FOXP2: variants seen among roughly 807,000 people sequenced by gnomAD.
FOXP2 encodes the protein forkhead box protein P2.
A neutral mutation model predicts 115.8 loss-of-function variants in FOXP2; 12 were observed. The observed-to-expected ratio is 0.10, with a 90% CI of 0.07 to 0.17. The LOEUF (loss-of-function observed/expected upper bound fraction) is 0.17, where lower values mean the gene tolerates loss of function less well. FOXP2 is among the 10% of genes least tolerant of loss of function. FOXP2 has a pLI of 1.00. For synonymous variants in FOXP2, 328 were observed against 297.7 expected, an observed-to-expected ratio of 1.10 and a Z score of -1.05; for missense variants, 629 against 843.5, an observed-to-expected ratio of 0.75 and a Z score of 3.15.
intron 1 of FOXP2, among the ~76,000 whole-genome samples, chr7:114,276,538 A>T (rs2129174081): frequency 6.6e-6 from 1 of 152,162 alleles, no homozygotes; most frequent in Non-Finnish European, 1.5e-5. Flanking sequence ...TTTGATATCT[A>T]CTGTGAAAAT....
At chr7:114,114,687 G>C (rs1791357210) in intron 1 of FOXP2, among the ~76,000 whole-genome samples, 2 of 152,004 alleles carry the variant, frequency 1.3e-5, no homozygotes, top group Non-Finnish European at 2.9e-5. Context: ...CTTTCAAGAA[G>C]GTTGAATTGT....
chr7:114,374,857 T>G (rs965112117), intron 2 of FOXP2, among the ~76,000 whole-genome samples: 1 of 152,174 alleles, frequency 6.6e-6, no homozygotes, highest in Non-Finnish European at 1.5e-5. Flanking sequence ...ATCTGCCAAA[T>G]GCATAGAACT....
chr7:114,427,663 T>G (rs1007184864), intron 2 of FOXP2, among the ~76,000 whole-genome samples: 4 of 151,610 alleles, frequency 2.6e-5, no homozygotes, highest in African/African-American at 9.7e-5. Context: ...GATTGCAAAT[T>G]ATGTGAAATA....
chr7:114,355,180 T>C (rs567694323), intron 2 of FOXP2, among the ~76,000 whole-genome samples: 151 of 152,224 alleles, frequency 9.9e-4, no homozygotes, highest in African/African-American at 3.5e-3. Flanking sequence ...GGCACTCTTT[T>C]GGGAACATGT....
At chr7:114,200,839 C>T (rs900217642) in intron 1 of FOXP2, among the ~76,000 whole-genome samples, 2 of 152,148 alleles carry the variant, frequency 1.3e-5, no homozygotes, top group African/African-American at 2.4e-5. Flanking sequence ...TTGACCATTT[C>T]AAAGAAGCAT....
chr7:114,493,883 C>T (rs1363853583), intron 2 of FOXP2, among the ~76,000 whole-genome samples: 1 of 149,716 alleles, frequency 6.7e-6, no homozygotes, highest in South Asian at 2.1e-4. Flanking sequence ...TAAAAGTAGT[C>T]TTTTCTGACA....
At chr7:114,189,704 G>C (rs1272107050) in intron 1 of FOXP2, among the ~76,000 whole-genome samples, 1 of 152,036 alleles carries the variant, frequency 6.6e-6, no homozygotes, top group Non-Finnish European at 1.5e-5. Context: ...GACGTCACTG[G>C]GTCAAAATTT....
intron 4 of FOXP2, chr7:114,628,958 T>C (rs1277848103): frequency 5.4e-6 from 2 of 371,562 alleles, no homozygotes; most frequent in Non-Finnish European, 9.9e-6. Flanking sequence ...TTAGGTACAT[T>C]CAATTTGTTG....
At chr7:114,613,612 TTGCAG>T (rs1803753779) in intron 3 of FOXP2, among the ~76,000 whole-genome samples, 2 of 151,004 alleles carry the variant, frequency 1.3e-5, no homozygotes, top group Admixed American at 1.3e-4. Flanking sequence ...GAGGCAGAGG[TTGCAG>T]TGAGCCTAGA....
At chr7:114,623,469 A>G (rs1391625156) in intron 3 of FOXP2, among the ~76,000 whole-genome samples, 2 of 151,950 alleles carry the variant, frequency 1.3e-5, no homozygotes. Flanking sequence ...GTCAAGGCCT[A>G]AACCAAAGAT....
intron 1 of FOXP2, among the ~76,000 whole-genome samples, chr7:114,139,512 T>G (rs1430266825): frequency 6.6e-6 from 1 of 152,180 alleles, no homozygotes; most frequent in Non-Finnish European, 1.5e-5. Context: ...CCTAACTTTT[T>G]TAGTCTTTAA....
At chr7:114,576,946 A>G (rs1431299770) in intron 3 of FOXP2, among the ~76,000 whole-genome samples, 3 of 151,942 alleles carry the variant, frequency 2.0e-5, no homozygotes, top group African/African-American at 7.2e-5. Context: ...CTCATACACA[A>G]ACAAACATAC....
rs571534557 is a variant in FOXP2, at chr7:114,586,933, G to A, written c.259-41607G>A. 1.5e-4 allele frequency among the ~76,000 whole-genome samples: 23 copies of A among 152,084 alleles called. No individual in the cohort carries two copies. The South Asian group carries it at 2.3e-3, about 15-fold the overall frequency. ...ACTTATAAAAATGTACTTTGTACTA[G>A]TAAAGGTAGTTTTACTAACAAAGTA... On this transcript the variant is annotated intron_variant, in intron 3 of 16. Coordinates refer to ENST00000350908, the MANE Select transcript of FOXP2 (RefSeq NM_014491.4).
At chr7:114,093,263 T>G (rs1253969233) in intron 1 of FOXP2, among the ~76,000 whole-genome samples, 1 of 152,204 alleles carries the variant, frequency 6.6e-6, no homozygotes, top group Non-Finnish European at 1.5e-5. Flanking sequence ...GTATCTTCAC[T>G]AACTTCAGGA....
chr7:114,633,130 C>A (rs1207787717), intron 6 of FOXP2, among the ~76,000 whole-genome samples: 4 of 151,950 alleles, frequency 2.6e-5, no homozygotes, highest in Non-Finnish European at 4.4e-5. Context: ...AAAGCATGAT[C>A]TACCACAATC....
At chr7:114,531,637 C>G (rs1023789728) in intron 2 of FOXP2, among the ~76,000 whole-genome samples, 1 of 151,898 alleles carries the variant, frequency 6.6e-6, no homozygotes, top group African/African-American at 2.4e-5. Flanking sequence ...GCAGTCTCTA[C>G]TCTACCAAAA....
At chr7:114,577,329 A>G (rs894690265) in intron 3 of FOXP2, among the ~76,000 whole-genome samples, 1 of 152,098 alleles carries the variant, frequency 6.6e-6, no homozygotes, top group African/African-American at 2.4e-5. Flanking sequence ...GCTGTACTTT[A>G]ACAATGGCGT....
At chr7:114,260,879 C>T (rs908809786) in intron 1 of FOXP2, among the ~76,000 whole-genome samples, 3 of 150,274 alleles carry the variant, frequency 2.0e-5, no homozygotes, top group African/African-American at 7.5e-5. Context: ...TAACCGAACA[C>T]ATGAAAAAAG....
At chr7:114,477,462 C>T (rs1260619157) in intron 2 of FOXP2, among the ~76,000 whole-genome samples, 1 of 151,926 alleles carries the variant, frequency 6.6e-6, no homozygotes, top group African/African-American at 2.4e-5. Flanking sequence ...ATTGCACACA[C>T]ATGGACATAC....
Sources: gnomAD v4.1 joint callset for allele counts (sites outside exome capture counted in the v4.1 genomes callset) on GRCh38, gnomAD v4.1.1 for gene constraint, MANE v1.5 for transcripts, NCBI Gene and HGNC (gene_info 2026-07-23, HGNC 2026-07-21) for gene names.